CAPN14: variants seen among roughly 807,000 people sequenced by gnomAD.
CAPN14 encodes calpain 14, also known as calpain-14.
CAPN14 carries 94 observed loss-of-function variants against 101.3 expected under a neutral mutation model. The observed-to-expected ratio is 0.93, with a 90% CI of 0.79 to 1.10. The LOEUF is 1.10. CAPN14 is among the 50% of genes least tolerant of loss of function. The probability of loss-of-function intolerance (pLI) is 0.00; values close to 1 mark genes in which losing one functional copy is unlikely to be tolerated. For synonymous variants in CAPN14, 338 were observed against 317.9 expected (o/e 1.06, Z -0.67); for missense variants, 837 against 828.4 (o/e 1.01, Z -0.13).
intron 1 of CAPN14, among the ~76,000 whole-genome samples, chr2:31,210,413 A>T (rs375599002): frequency 6.6e-6 from 1 of 152,154 alleles, no homozygotes; most frequent in South Asian, 2.1e-4. Context: ...GCGCCACTGC[A>T]CTCCAGCCTG....
chr2:31,189,209 T>G, intron 13 of CAPN14, 64 bp downstream of exon 13: 1 of 1,417,976 alleles, frequency 7.1e-7, no homozygotes, highest in South Asian at 1.2e-5. Flanking sequence ...TTTCCAACCT[T>G]GCCCTCCTTG....
intron 1 of CAPN14, among the ~76,000 whole-genome samples, chr2:31,228,564 G>A (rs1464483246): frequency 6.6e-6 from 1 of 152,148 alleles, no homozygotes; most frequent in Non-Finnish European, 1.5e-5. Context: ...TAACTTATTA[G>A]GTGCCAGCAT....
At chr2:31,231,992 G>A (rs921190835) in intron 1 of CAPN14, among the ~76,000 whole-genome samples, 1 of 152,168 alleles carries the variant, frequency 6.6e-6, no homozygotes, top group African/African-American at 2.4e-5. Flanking sequence ...TTCTCAACAA[G>A]AGATGATCAG....
At chr2:31,196,532 G>A (rs1681477377) in intron 8 of CAPN14, among the ~76,000 whole-genome samples, 1 of 152,180 alleles carries the variant, frequency 6.6e-6, no homozygotes, top group African/African-American at 2.4e-5. Context: ...ATATAAAAAT[G>A]ATTAAGTGAT....
At chr2:31,181,037 C>T in intron 16 of CAPN14, 37 bp from the exon 17 acceptor site, 1 of 1,527,840 alleles carries the variant, frequency 6.5e-7, no homozygotes. Flanking sequence ...GGGGGCTGGC[C>T]CCAGGTCTGC....
At chr2:31,182,764 G>A (rs1680709029) in intron 16 of CAPN14, among the ~76,000 whole-genome samples, 1 of 151,466 alleles carries the variant, frequency 6.6e-6, no homozygotes, top group African/African-American at 2.4e-5. Flanking sequence ...TACTGCCTAA[G>A]GCAATTTATA....
intron 5 of CAPN14, 85 bp from the exon 6 acceptor site, chr2:31,200,710 T>A: frequency 7.8e-7 from 1 of 1,286,368 alleles, no homozygotes; most frequent in Non-Finnish European, 1.1e-6. Context: ...CACTTTTAAA[T>A]AGGAGTCTAG....
Position 31,192,033 on chromosome 2 carries a change from G to C in CAPN14, c.1180C>G (p.Leu394Val), listed in dbSNP as rs1360820702. Reference protein sequence around the residue: ...VWRPEEGRRSLRPCSVLVSLL... With the variant: ...VWRPEEGRRSVRPCSVLVSLL... ...GACACCAGCACGCTGCAGGGCCTCA[G>C]GGATCTCCTGCCCTCCTCGGGCCTC... The change falls in exon 11 of 22, where the codon CTG becomes GTG. Residue 394 changes from leucine to valine, a missense_variant. Transcript: ENST00000403897. The C allele has an allele frequency of 2.6e-6, 4 of 1,551,614 alleles. No homozygotes were observed. The South Asian group carries it at 3.6e-5, about 14-fold the overall frequency.
chr2:31,193,434 G>T (rs1681309293), intron 9 of CAPN14, 140 bp from the exon 10 acceptor site: 3 of 826,290 alleles, frequency 3.6e-6, no homozygotes, highest in African/African-American at 1.7e-5. Context: ...GCAGAGCTGA[G>T]CTGACGATAG....
At chr2:31,210,219 G>A (rs1368998886) in intron 1 of CAPN14, among the ~76,000 whole-genome samples, 13 of 152,212 alleles carry the variant, frequency 8.5e-5, no homozygotes, top group East Asian at 5.8e-4. Flanking sequence ...TGAGGAGGGC[G>A]GATCACGAGG....
At position 31,192,054 on chromosome 2, in the gene CAPN14, G is replaced by T; in HGVS notation, c.1159C>A (p.Pro387Thr). 2 of 1,551,312 alleles carry T rather than the reference G, an allele frequency of 1.3e-6. No homozygotes were observed. Among genetic ancestry groups the T allele is most frequent in the Non-Finnish European group, 1.7e-6 (2 of 1,146,782 alleles). ...CTCAGGGATCTCCTGCCCTCCTCGGGCCTCCAGACAGACAGCAGGAACTGC... is the reference window on the plus strand; with the variant it reads ...CTCAGGGATCTCCTGCCCTCCTCGGTCCTCCAGACAGACAGCAGGAACTGC... ...NPQFLLSVWR[P>T]EEGRRSLRPC... Residue 387 changes from proline to threonine, a missense_variant, in exon 11 of 22, where the codon CCC becomes ACC. Physicochemically the swap from Pro to Thr is conservative, Grantham distance 38. Transcript: ENST00000403897.
intron 19 of CAPN14, among the ~76,000 whole-genome samples, 166 bp from the exon 20 acceptor site, chr2:31,177,308 T>G (rs1214359330): frequency 2.1e-5 from 3 of 146,156 alleles, no homozygotes; most frequent in Non-Finnish European, 3.0e-5. Flanking sequence ...GTTTAACCAA[T>G]TTATTTTATT....
chr2:31,195,445 TC>T (rs1681417912), intron 8 of CAPN14, among the ~76,000 whole-genome samples: 2 of 152,312 alleles, frequency 1.3e-5, no homozygotes, highest in African/African-American at 4.8e-5. Context: ...CAAGCAATTC[TC>T]CTGCCTCAGC....
chr2:31,212,274 C>T (rs1232925951), intron 1 of CAPN14, among the ~76,000 whole-genome samples: 2 of 147,200 alleles, frequency 1.4e-5, no homozygotes, highest in Non-Finnish European at 3.0e-5. Context: ...CCCACCACTG[C>T]ACTCCAGCCT....
chr2:31,207,297 A>T (rs1390347795), intron 1 of CAPN14, among the ~76,000 whole-genome samples: 5 of 152,070 alleles, frequency 3.3e-5, no homozygotes, highest in Non-Finnish European at 4.4e-5. Context: ...AGATCCCCTC[A>T]TTCTGTCTAT....
rs939435622 is a variant in CAPN14, at chr2:31,197,297, A to G, written c.827T>C (p.Leu276Pro). 52 of 1,551,040 alleles carry G rather than the reference A, an allele frequency of 3.4e-5. No homozygotes were observed. Among genetic ancestry groups the G allele is most frequent in the Non-Finnish European group, 4.3e-5 (49 of 1,146,192 alleles). The change falls in exon 8 of 22, where the codon CTA (leucine) becomes CCA (proline). Residue 276 changes from leucine (L) to proline (P), a missense_variant. Coordinates refer to ENST00000403897, the MANE Select transcript of CAPN14 (RefSeq NM_001145122.2). ...CKHRPEYLVK[L>P]RNPWGKVEWK... ...TTCCACCTTTCCCCAGGGGTTCCGT[A>G]GCTTGACGAGATATTCAGGTCTATG...
At chr2:31,224,441 G>A (rs13419334) in intron 2 of CAPN14, among the ~76,000 whole-genome samples, 23,368 of 151,994 alleles carry the variant, frequency 0.15, 2,224 homozygotes, top group African/African-American at 0.27. Flanking sequence ...AAGCCAAGGG[G>A]TGAAGAAGTT....
intron 1 of CAPN14, among the ~76,000 whole-genome samples, chr2:31,233,266 C>T (rs1683252442): frequency 6.6e-6 from 1 of 152,212 alleles, no homozygotes; most frequent in African/African-American, 2.4e-5. Context: ...CTTTCACCTT[C>T]CTAAACCCTA....
chr2:31,201,288 T>A (rs1681768177), intron 5 of CAPN14, among the ~76,000 whole-genome samples: 1 of 152,152 alleles, frequency 6.6e-6, no homozygotes. Context: ...ACATGCCAAG[T>A]ACCCTCTAGG....
Sources: gnomAD v4.1 joint callset for allele counts (sites outside exome capture counted in the v4.1 genomes callset) on GRCh38, gnomAD v4.1.1 for gene constraint, MANE v1.5 for transcripts, NCBI Gene and HGNC (gene_info 2026-07-23, HGNC 2026-07-21) for gene names.